SLC6A14: variants seen among roughly 807,000 people sequenced by gnomAD.
SLC6A14 encodes sodium- and chloride-dependent neutral and basic amino acid transporter B(0+).
In SLC6A14, 21 loss-of-function variants were observed where a neutral mutation model predicts 51.4. That is an observed-to-expected ratio of 0.41 (90% CI 0.29 to 0.59). SLC6A14 has a LOEUF of 0.59. Ranked by LOEUF, SLC6A14 falls within the 20% of genes least tolerant of loss-of-function variation. SLC6A14 has a pLI of 0.31. For missense variants in SLC6A14, 371 were observed against 472.8 expected (o/e 0.78, Z 2.00); for synonymous variants, 177 against 160.7 (o/e 1.10, Z -0.77).
chrX:116,453,236 C>G, intron 9 of SLC6A14, 94 bp downstream of exon 9: 1 of 732,833 alleles, frequency 1.4e-6, no homozygotes, highest in Non-Finnish European at 1.9e-6. Flanking sequence ...CCCTATTACC[C>G]CCTCTAGCTG....
In SLC6A14 at chrX:116,454,432, G is replaced by A; in HGVS notation, c.1394G>A (p.Cys465Tyr). ...GTTTTGTTTCTCCTTGGTCTCGTCT[G>A]TGTGACTCAGGTATACTACAGCATT... ...CLVLFLLGLV[C>Y]VTQAGIYWVH... The change falls in exon 10 of 14, where the codon TGT becomes TAT. Residue 465 changes from cysteine to tyrosine, a missense_variant. Cys to Tyr is a radical substitution (Grantham distance 194, BLOSUM62 -2). Transcript: ENST00000598581. The A allele has an allele frequency of 2.6e-6, 3 of 1,140,906 alleles. No homozygotes were observed. Among genetic ancestry groups the A allele is most frequent in the Non-Finnish European group, 2.4e-6 (2 of 833,944 alleles). The allele number at this position is 1,140,906 out of a possible 1,213,427, so 94.0% of individuals were successfully genotyped here. A position where few individuals can be genotyped will look rare whatever the true frequency, so the allele number is the denominator to read the frequency against.
At position 116,437,805 on chromosome X, in the gene SLC6A14, T is replaced by C. The variant is rs782763322; in HGVS notation, c.64T>C (p.Ser22Pro). The C allele has an allele frequency of 5.0e-6, 6 of 1,205,196 alleles. No individual in the cohort carries two copies. The South Asian group carries it at 5.4e-5, about 11-fold the overall frequency. ...TCTTCCCCAGAAAGTGTCGGCTTCATCAGAGAATTTCCATGTTGGTGAAAA... is the reference window on the plus strand; with the variant it reads ...TCTTCCCCAGAAAGTGTCGGCTTCACCAGAGAATTTCCATGTTGGTGAAAA... ...CREKEKVSAS[S>P]ENFHVGENDE... Residue 22 changes from serine to proline, a missense_variant, in exon 2 of 14, where the codon TCA becomes CCA. Ser to Pro is a moderately conservative substitution (Grantham distance 74, BLOSUM62 -1). Coordinates refer to ENST00000598581, the MANE Select transcript of SLC6A14 (RefSeq NM_007231.5).
chrX:116,452,475 G>A (rs1263481744), intron 8 of SLC6A14, among the ~76,000 whole-genome samples: 2 of 111,762 alleles, frequency 1.8e-5, no homozygotes, highest in Non-Finnish European at 3.8e-5. Flanking sequence ...AAATTGAAAA[G>A]CATTCTAAAG....
At chrX:116,451,149 C>G (rs112823348) in intron 7 of SLC6A14, among the ~76,000 whole-genome samples, 3,529 of 111,102 alleles carry the variant, frequency 0.032, 154 homozygotes, top group African/African-American at 0.11. Context: ...GATAACTTTT[C>G]TATAAATTCC....
chrX:116,460,559 C>CTTTTTTT lies in SLC6A14; in HGVS notation c.*1612_*1618dup, dbSNP rs1224657556. On this transcript the variant is annotated 3_prime_UTR_variant, in exon 14 of 14. Coordinates refer to ENST00000598581, the MANE Select transcript of SLC6A14 (RefSeq NM_007231.5). ...TCTGAGGGTTTTCTTTTTCTTTTTCCTTTTTTTTTTTTTTGGTGGGGGGCT... is the reference window on the plus strand; with the variant it reads ...TCTGAGGGTTTTCTTTTTCTTTTTCCTTTTTTTTTTTTTTTTTTTTTGGTGGGGGGCT... 1.1e-5 allele frequency: 1 copy of CTTTTTTT among 88,833 alleles called. No individual in the cohort carries two copies. Among genetic ancestry groups the CTTTTTTT allele is most frequent in the Non-Finnish European group, 2.1e-5 (1 of 46,677 alleles). The allele number at this position is 88,833 out of a possible 1,213,427, so 7.3% of individuals were successfully genotyped here.
intron 12 of SLC6A14, among the ~76,000 whole-genome samples, chrX:116,455,686 A>C (rs1169440869): frequency 1.8e-5 from 2 of 112,138 alleles, no homozygotes; most frequent in East Asian, 5.5e-4. Flanking sequence ...TTGAGAAAAT[A>C]AACAGGTTCG....
chrX:116,447,549 G>C (rs1377585207), intron 7 of SLC6A14, among the ~76,000 whole-genome samples: 2 of 109,847 alleles, frequency 1.8e-5, no homozygotes, highest in Non-Finnish European at 3.8e-5. Flanking sequence ...GTGTACTACA[G>C]ATAGTATGCT....
At chrX:116,445,671 GTTTAC>G (rs374525631) in intron 6 of SLC6A14, among the ~76,000 whole-genome samples, 6 of 111,282 alleles carry the variant, frequency 5.4e-5, no homozygotes, top group African/African-American at 2.0e-4. Flanking sequence ...CCACTTCATT[GTTTAC>G]TTTTATAAAC....
At chrX:116,455,150 C>T in intron 11 of SLC6A14, 74 bp downstream of exon 11, 1 of 735,638 alleles carries the variant, frequency 1.4e-6, no homozygotes, top group South Asian at 2.6e-5. Flanking sequence ...ATTATATTTA[C>T]CTAATTATAC....
intron 3 of SLC6A14, among the ~76,000 whole-genome samples, chrX:116,441,417 C>G (rs781880950): frequency 1.8e-5 from 2 of 112,294 alleles, no homozygotes; most frequent in South Asian, 3.6e-4. Context: ...TAGTCTCATG[C>G]TCTAATTTAA....
intron 12 of SLC6A14, among the ~76,000 whole-genome samples, chrX:116,456,212 T>C (rs5905178): frequency 0.34 from 37,535 of 109,798 alleles, 5,366 homozygotes; most frequent in Admixed American, 0.44. Context: ...CAAAGCTTCA[T>C]AGATTTATTT....
At chrX:116,439,716 A>G (rs989477075) in intron 2 of SLC6A14, among the ~76,000 whole-genome samples, 9 of 111,287 alleles carry the variant, frequency 8.1e-5, no homozygotes, top group Non-Finnish European at 1.3e-4. Flanking sequence ...TTATTGTTGT[A>G]GTTAAACAGT....
intron 1 of SLC6A14, among the ~76,000 whole-genome samples, chrX:116,437,259 C>CT (rs1469778475): frequency 1.3e-4 from 14 of 111,355 alleles, no homozygotes; most frequent in Non-Finnish European, 1.5e-4. Flanking sequence ...CTACCCTTAA[C>CT]TTGATACATC....
intron 5 of SLC6A14, 106 bp downstream of exon 5, chrX:116,443,896 G>A: frequency 1.6e-6 from 1 of 621,525 alleles, no homozygotes; most frequent in Non-Finnish European, 2.4e-6. Context: ...AATAGAAAAA[G>A]GAAAATCAGG....
rs782685928 is a variant in SLC6A14, at chrX:116,458,924, C to A, written c.1898C>A (p.Pro633His). 8.3e-7 allele frequency: 1 copy of A among 1,202,253 alleles called. No individual in the cohort carries two copies. The highest frequency in any genetic ancestry group is 3.0e-5 in the East Asian group (1 of 33,541). ...DPKKEADHEI[P>H]TVSGSRKPE ...AAAAAAGAGGCTGACCATGAAATAC[C>A]TACTGTTAGTGGCAGCAGAAAACCG... The change falls in exon 14 of 14, where the codon CCT (proline) becomes CAT (histidine). Residue 633 changes from proline (P) to histidine (H), a missense_variant. Around this residue, in one of 2 missense-constraint regions of SLC6A14, gnomAD observed 94 missense variants for 81.0 expected, o/e 1.16. Transcript: ENST00000598581.
intron 4 of SLC6A14, 125 bp from the exon 5 acceptor site, chrX:116,443,518 A>C: frequency 8.8e-6 from 4 of 452,187 alleles, no homozygotes; most frequent in Non-Finnish European, 1.4e-5. Flanking sequence ...TAAGATTTCT[A>C]CTCCACTTTT....
intron 8 of SLC6A14, 66 bp downstream of exon 8, chrX:116,451,736 G>T (rs1157751042): frequency 6.5e-6 from 4 of 613,799 alleles, no homozygotes; most frequent in Non-Finnish European, 9.9e-6. Context: ...AACTCCAATA[G>T]AATTTATAGA....
chrX:116,441,049 G>T lies in SLC6A14; in HGVS notation c.298G>T (p.Ala100Ser). 1.7e-6 allele frequency: 2 copies of T among 1,210,156 alleles called. No individual in the cohort carries two copies. The highest frequency in any genetic ancestry group is 2.2e-6 in the Non-Finnish European group (2 of 894,328). ...TCTGGAGTGTTCACTGGGACAATTT[G>T]CTAGCTTAGGTCCAGTTTCAGTTTG... Reference protein sequence around the residue: ...FFLECSLGQFASLGPVSVWRI... With the variant: ...FFLECSLGQFSSLGPVSVWRI... The change falls in exon 3 of 14, where the codon GCT (alanine) becomes TCT (serine). Residue 100 changes from alanine to serine, a missense_variant. Physicochemically the swap from Ala to Ser is moderately conservative, Grantham distance 99. This residue lies in a region of SLC6A14 where 277 missense variants were observed against 391.8 expected (regional missense o/e 0.71). Coordinates refer to ENST00000598581, the MANE Select transcript of SLC6A14 (RefSeq NM_007231.5).
chrX:116,453,250 A>G lies in SLC6A14; in HGVS notation c.1285+108A>G. On this transcript the variant is annotated intron_variant, in intron 9 of 13. Transcript: ENST00000598581. ...CCCCTATTACCCCCTCTAGCTGTTA[A>G]TCTCAGAATGATCTTTCTGAAAGTT... 3 of 612,516 alleles carry G rather than the reference A, an allele frequency of 4.9e-6. No homozygotes were observed. In the East Asian group the frequency reaches 1.2e-4, roughly 24 times the overall value. 50.5% of individuals were successfully genotyped at this position (612,516 alleles called of 1,213,427 possible). A position where few individuals can be genotyped will look rare whatever the true frequency, so the allele number is the denominator to read the frequency against.
Sources: gnomAD v4.1 joint callset for allele counts (sites outside exome capture counted in the v4.1 genomes callset) on GRCh38, gnomAD v4.1.1 for gene constraint, gnomAD v4.1.1 regional missense constraint, MANE v1.5 for transcripts, NCBI Gene and HGNC (gene_info 2026-07-23, HGNC 2026-07-21) for gene names.